TXNDC16: variants seen among roughly 807,000 people sequenced by gnomAD.
The protein encoded by TXNDC16 is thioredoxin domain containing 16, also known as thioredoxin domain-containing protein 16.
In TXNDC16, 74 loss-of-function variants were observed where a neutral mutation model predicts 85.6. The ratio of observed to expected loss-of-function variants is 0.86; its 90% CI spans 0.72 to 1.05. TXNDC16 has a LOEUF of 1.05. Among genes scored for constraint, TXNDC16 ranks in the 50% least tolerant of loss-of-function variants. The probability of loss-of-function intolerance (pLI) is 0.00; values close to 1 mark genes in which losing one functional copy is unlikely to be tolerated. For synonymous variants in TXNDC16, 335 were observed against 326.5 expected, an observed-to-expected ratio of 1.03 and a Z score of -0.28; for missense variants, 959 against 947.0, an observed-to-expected ratio of 1.01 and a Z score of -0.17.
intron 12 of TXNDC16, 131 bp downstream of exon 12, chr14:52,488,232 A>C (rs761096744): frequency 2.6e-6 from 3 of 1,140,204 alleles, no homozygotes; most frequent in Admixed American, 2.5e-5. Context: ...GTTCCAAATA[A>C]ATTCCGCCAG....
At position 52,537,579 on chromosome 14, in the gene TXNDC16, C is replaced by G; in HGVS notation, c.317+20G>C. The stretch of plus-strand genomic sequence containing the variant: ...AGTATAGCTTTGTATTTGTCCAGCA[C>G]ACTCAGGAAAATAGCTTACTTGAAT... On this transcript the variant is annotated intron_variant, in intron 5 of 20. Transcript: ENST00000281741. 2 of 1,515,402 alleles carry G rather than the reference C, an allele frequency of 1.3e-6. No homozygotes were observed. The highest frequency in any genetic ancestry group is 4.5e-5 in the East Asian group (2 of 44,286). 93.9% of individuals were successfully genotyped at this position (1,515,402 alleles called of 1,614,324 possible).
Position 52,519,239 on chromosome 14 carries a change from G to A in TXNDC16, c.447C>T (p.Asn149=), listed in dbSNP as rs1566574656. 2.5e-6 allele frequency: 4 copies of A among 1,608,422 alleles called. No homozygotes were observed. The highest frequency in any genetic ancestry group is 2.7e-5 in the African/African-American group (2 of 74,838). Residue 149 remains asparagine (N), a synonymous_variant, in exon 7 of 21, where the codon AAC becomes AAT. Coordinates refer to ENST00000281741, the MANE Select transcript of TXNDC16 (RefSeq NM_020784.3). ...KYITNLEDLQ[N]IENALKGKAN... is the part of the protein sequence containing the mutation. ...CTTTTCCTTTCAGAGCATTTTCTAT[G>A]TTCTGAAGGTCTTCCAGGTTGGTAA...
At chr14:52,506,276 G>C (rs1412025711) in intron 9 of TXNDC16, among the ~76,000 whole-genome samples, 4 of 152,082 alleles carry the variant, frequency 2.6e-5, no homozygotes, top group African/African-American at 9.7e-5. Flanking sequence ...AACAAAAAAA[G>C]AGAATTTTAG....
chr14:52,478,745 A>T (rs902599794), intron 14 of TXNDC16, among the ~76,000 whole-genome samples: 3 of 152,150 alleles, frequency 2.0e-5, no homozygotes, highest in African/African-American at 7.2e-5. Flanking sequence ...TCAAAGAAGA[A>T]TTGGTACCAA....
Position 52,490,846 on chromosome 14 carries a change from A to G in TXNDC16, c.916T>C (p.Leu306=), listed in dbSNP as rs756838129. 2.7e-5 allele frequency: 44 copies of G among 1,608,726 alleles called. No homozygotes were observed. Among genetic ancestry groups the G allele is most frequent in the African/African-American group, 4.0e-5 (3 of 74,534 alleles). ...RLLGKAGVLL[L]LRDSLEVNIP... ...ATTCGATGTTTAAGATACCTTAACA[A>G]GAGTAGAACTCCTGCTTTTCCCAGA... The change falls in exon 10 of 21, where the codon TTG becomes CTG. Residue 306 remains leucine, a synonymous_variant. Transcript: ENST00000281741.
chr14:52,517,382 T>C (rs2140190222), intron 7 of TXNDC16, among the ~76,000 whole-genome samples: 1 of 152,278 alleles, frequency 6.6e-6, no homozygotes, highest in South Asian at 2.1e-4. Context: ...AAATTGCTGA[T>C]ATTAACTATT....
intron 9 of TXNDC16, among the ~76,000 whole-genome samples, chr14:52,497,810 G>A (rs971364124): frequency 1.3e-5 from 2 of 151,034 alleles, no homozygotes; most frequent in African/African-American, 2.4e-5. Flanking sequence ...GAACCCAGGA[G>A]GCAGAGGTTG....
intron 18 of TXNDC16, among the ~76,000 whole-genome samples, chr14:52,449,168 A>C (rs2035350718): frequency 3.3e-5 from 5 of 151,892 alleles, no homozygotes; most frequent in Admixed American, 3.3e-4. Context: ...ATTAAAAAAA[A>C]ATAATAAGAT....
chr14:52,458,316 T>C (rs1434338624), intron 16 of TXNDC16, among the ~76,000 whole-genome samples: 2 of 152,118 alleles, frequency 1.3e-5, no homozygotes, highest in South Asian at 2.1e-4. Context: ...CCCAGCACTT[T>C]GGGAGGCGAG....
At chr14:52,533,998 A>C (rs946030350) in intron 6 of TXNDC16, among the ~76,000 whole-genome samples, 3 of 152,090 alleles carry the variant, frequency 2.0e-5, no homozygotes, top group Non-Finnish European at 4.4e-5. Flanking sequence ...TCTCTAGAAA[A>C]CTGCAATGTA....
At chr14:52,466,600 C>T (rs887734496) in intron 16 of TXNDC16, among the ~76,000 whole-genome samples, 1 of 151,946 alleles carries the variant, frequency 6.6e-6, no homozygotes, top group Non-Finnish European at 1.5e-5. Flanking sequence ...GGCGCGGTGG[C>T]TCATGCCTGT....
Position 52,530,362 on chromosome 14 carries a change from A to G in TXNDC16, c.392+6357T>C, listed in dbSNP as rs1217650795. On this transcript the variant is annotated intron_variant, in intron 6 of 20. Transcript: ENST00000281741. ...ATAATTATATATTATAATATAATATATATTATTATATAATATTATATATAA... is the reference window on the plus strand; with the variant it reads ...ATAATTATATATTATAATATAATATGTATTATTATATAATATTATATATAA... Among the ~76,000 whole-genome samples, 3 of 39,374 alleles carry G rather than the reference A, an allele frequency of 7.6e-5. 1 individual carries two copies. The highest frequency in any genetic ancestry group is 1.2e-4 in the Non-Finnish European group (3 of 25,326). 25.8% of individuals were successfully genotyped at this position (39,374 alleles called of 152,430 possible).
intron 7 of TXNDC16, among the ~76,000 whole-genome samples, chr14:52,516,577 T>C (rs894083454): frequency 4.6e-5 from 7 of 152,206 alleles, no homozygotes; most frequent in Admixed American, 3.3e-4. Context: ...TGTGGCTCTG[T>C]GGTATTCCAC....
chr14:52,496,460 T>C (rs10147875), intron 9 of TXNDC16, among the ~76,000 whole-genome samples: 6,882 of 149,734 alleles, frequency 0.046, 517 homozygotes, highest in African/African-American at 0.16. Context: ...TGCAGCTGAG[T>C]AGATTTCTTA....
At chr14:52,543,026 A>T (rs1462072466) in intron 3 of TXNDC16, among the ~76,000 whole-genome samples, 1 of 152,220 alleles carries the variant, frequency 6.6e-6, no homozygotes, top group Non-Finnish European at 1.5e-5. Context: ...AGTTGTAAAA[A>T]ACTTAAAATA....
chr14:52,483,060 T>C, intron 12 of TXNDC16, 95 bp from the exon 13 acceptor site: 1 of 1,062,170 alleles, frequency 9.4e-7, no homozygotes, highest in Admixed American at 3.2e-5. Flanking sequence ...TTCAGTACTT[T>C]ATACAAACTT....
intron 18 of TXNDC16, among the ~76,000 whole-genome samples, chr14:52,442,117 AC>A (rs1459943728): frequency 6.6e-6 from 1 of 152,246 alleles, no homozygotes; most frequent in Non-Finnish European, 1.5e-5. Flanking sequence ...TTTGTAGAAG[AC>A]AATTTGTCTA....
chr14:52,505,316 T>C (rs945955995), intron 9 of TXNDC16, among the ~76,000 whole-genome samples: 8 of 152,160 alleles, frequency 5.3e-5, no homozygotes, highest in Admixed American at 5.2e-4. Flanking sequence ...ACCACATAGT[T>C]GGAAGTAAAG....
At chr14:52,453,035 A>T (rs2035448357) in intron 18 of TXNDC16, among the ~76,000 whole-genome samples, 1 of 152,220 alleles carries the variant, frequency 6.6e-6, no homozygotes, top group Non-Finnish European at 1.5e-5. Context: ...CTGAATAGAC[A>T]TTTCTCAAAA....
Sources: allele counts gnomAD v4.1 joint callset (sites outside exome capture counted in the v4.1 genomes callset), GRCh38; gene constraint gnomAD v4.1.1; transcripts MANE v1.5; gene names NCBI Gene and HGNC (gene_info 2026-07-23, HGNC 2026-07-21).